The following KCNQ1OT1 variants were observed in gnomAD, a reference collection of about 807,000 sequenced individuals.
The protein encoded by KCNQ1OT1 is KCNQ1 opposite strand/antisense transcript 1, also known as KCNQ1 antisense RNA 2 (non-protein coding).
exon 1 of KCNQ1OT1, chr11:2,643,417 T>C (rs1849610039): frequency 2.5e-6 from 1 of 398,440 alleles, no homozygotes; most frequent in Non-Finnish European, 4.4e-6. Context: ...AATGACTTCG[T>C]CTCTTTTTAG....
rs953013635 is a variant in KCNQ1OT1, at chr11:2,681,339, T to C, written n.18656A>G. 29 of 398,400 alleles carry C rather than the reference T, an allele frequency of 7.3e-5. No individual in the cohort carries two copies. In the Admixed American group the frequency reaches 1.1e-3, roughly 15 times the overall value. The allele number at this position is 398,400 out of a possible 1,614,324, so 24.7% of individuals were successfully genotyped here. ...TGTCTCTCTCCAACTGTGACCGTCT[T>C]TTCCTTGTAGCTCCCTGCTCACTCC... is the stretch of plus-strand genomic sequence containing the variant. On this transcript the variant is annotated non_coding_transcript_exon_variant, in exon 1 of 1. Transcript: ENST00000597346.
chr11:2,665,100 T>C (rs953902147), exon 1 of KCNQ1OT1: 1 of 397,698 alleles, frequency 2.5e-6, no homozygotes, highest in African/African-American at 2.1e-5. Context: ...AGATAAAGAG[T>C]GGCGTCGCTG....
chr11:2,666,276 G>A (rs1850065446), exon 1 of KCNQ1OT1: 1 of 398,624 alleles, frequency 2.5e-6, no homozygotes, highest in African/African-American at 2.1e-5. Context: ...AGGCTGGGCA[G>A]AGGGGGTGGA....
chr11:2,657,791 C>CAGTCAGGTG lies in KCNQ1OT1; in HGVS notation n.42195_42203dup, dbSNP rs1213568178. 5.0e-6 allele frequency: 2 copies of CAGTCAGGTG among 398,408 alleles called. No individual in the cohort carries two copies. Among genetic ancestry groups the CAGTCAGGTG allele is most frequent in the African/African-American group, 4.1e-5 (2 of 48,586 alleles). The allele number at this position is 398,408 out of a possible 1,614,324, so 24.7% of individuals were successfully genotyped here. ...TTAACTTGACACTTTTGAAGAATAC[C>CAGTCAGGTG]AGTCAGGTGTCATTGTCCCTCAGTT... On this transcript the variant is annotated non_coding_transcript_exon_variant, in exon 1 of 1. Coordinates refer to ENST00000597346, the Ensembl canonical transcript of KCNQ1OT1. The surrounding 1 kb of genome is among the most constrained non-coding windows in gnomAD (Gnocchi z 4.8).
chr11:2,649,978 T>C (rs1849732612), exon 1 of KCNQ1OT1: 1 of 398,494 alleles, frequency 2.5e-6, no homozygotes, highest in African/African-American at 2.1e-5. Context: ...CATTCTTCAT[T>C]CTTTTTTATT....
Position 2,654,965 on chromosome 11 carries a change from T to A in KCNQ1OT1, n.45030A>T. 1 of 398,566 alleles carries A rather than the reference T, an allele frequency of 2.5e-6. No individual in the cohort carries two copies. The highest frequency in any genetic ancestry group is 4.4e-6 in the Non-Finnish European group (1 of 226,064). The allele number at this position is 398,566 out of a possible 1,614,324, so 24.7% of individuals were successfully genotyped here. On this transcript the variant is annotated non_coding_transcript_exon_variant, in exon 1 of 1. Transcript: ENST00000597346. This position sits in a 1 kb window ranked among gnomAD's most constrained non-coding sequence, Gnocchi z 6.4. ...TTCCACAAATTATTGTTTCTTGACT[T>A]GGAAAAGTATCATGCAAAATAGAAA... is the stretch of plus-strand genomic sequence containing the variant.
At chr11:2,649,841 C>T in exon 1 of KCNQ1OT1, 1 of 398,502 alleles carries the variant, frequency 2.5e-6, no homozygotes. Flanking sequence ...CTTTCTCTCC[C>T]AAACTTTGGC....
exon 1 of KCNQ1OT1, chr11:2,699,622 G>A (rs545518889): frequency 5.6e-6 from 2 of 354,636 alleles, no homozygotes; most frequent in Non-Finnish European, 5.0e-6. Context: ...GGAGAGAACC[G>A]CGCCGAAGAA....
At chr11:2,662,381 C>T in exon 1 of KCNQ1OT1, 1 of 520,798 alleles carries the variant, frequency 1.9e-6, no homozygotes, top group South Asian at 3.3e-5. Context: ...TCCCCCAGCC[C>T]CCTCCCCTGC....
chr11:2,631,234 G>T, exon 1 of KCNQ1OT1: 1 of 398,436 alleles, frequency 2.5e-6, no homozygotes, highest in Non-Finnish European at 4.4e-6. Context: ...TAACTCTCCT[G>T]ATGGTGTCCC....
chr11:2,672,677 G>A, exon 1 of KCNQ1OT1: 1 of 398,754 alleles, frequency 2.5e-6, no homozygotes, highest in Non-Finnish European at 4.4e-6. Flanking sequence ...CTTGCCCAGT[G>A]GACACAGCCA....
exon 1 of KCNQ1OT1, chr11:2,692,676 G>A (rs1338012539): frequency 5.0e-6 from 2 of 398,552 alleles, no homozygotes; most frequent in African/African-American, 4.1e-5. Context: ...TTCAACATTA[G>A]TTAGTCTTTC....
In KCNQ1OT1 at chr11:2,698,694, C is replaced by G. The variant is rs1291337200; in HGVS notation, n.1301G>C. ...CCCATTCAGAACCTCTACCCAAAGACAGACTCCAGACCCTGACTCCAGTCG... is the reference window on the plus strand; with the variant it reads ...CCCATTCAGAACCTCTACCCAAAGAGAGACTCCAGACCCTGACTCCAGTCG... On this transcript the variant is annotated non_coding_transcript_exon_variant, in exon 1 of 1. Transcript: ENST00000597346. This position sits in a 1 kb window ranked among gnomAD's most constrained non-coding sequence, Gnocchi z 5.1. 4 of 398,848 alleles carry G rather than the reference C, an allele frequency of 1.0e-5. No homozygotes were observed. The highest frequency in any genetic ancestry group is 1.8e-5 in the Non-Finnish European group (4 of 226,210). 24.7% of individuals were successfully genotyped at this position (398,848 alleles called of 1,614,324 possible).
At position 2,620,211 on chromosome 11, in the gene KCNQ1OT1, A is replaced by ATATATATATATATTT. The variant is rs1383035176; in HGVS notation, n.79783_79784insAAATATATATATATA. 4.0e-6 allele frequency: 1 copy of ATATATATATATATTT among 252,756 alleles called. No homozygotes were observed. The highest frequency in any genetic ancestry group is 2.6e-5 in the African/African-American group (1 of 37,828). The allele number at this position is 252,756 out of a possible 1,614,324, so 15.7% of individuals were successfully genotyped here. A position where few individuals can be genotyped will look rare whatever the true frequency, so the allele number is the denominator to read the frequency against. ...TAAGTTCATTCATGTATATATATAT[A>ATATATATATATATTT]TTTTTTTTTTTTATTTTTTTTTTAG... is the stretch of plus-strand genomic sequence containing the variant. On this transcript the variant is annotated non_coding_transcript_exon_variant, in exon 1 of 1. Transcript: ENST00000597346. The surrounding 1 kb of genome is among the most constrained non-coding windows in gnomAD (Gnocchi z 4.5).
exon 1 of KCNQ1OT1, chr11:2,649,651 G>A (rs1849727694): frequency 2.5e-6 from 1 of 398,432 alleles, no homozygotes; most frequent in African/African-American, 2.1e-5. Flanking sequence ...GGCCTAGAAG[G>A]TTTCTGCTGA....
chr11:2,680,016 C>T, exon 1 of KCNQ1OT1: 1 of 396,838 alleles, frequency 2.5e-6, no homozygotes, highest in Non-Finnish European at 4.4e-6. Flanking sequence ...GCCTTAGCCT[C>T]CCTAGTAGCT....
At position 2,688,300 on chromosome 11, in the gene KCNQ1OT1, T is replaced by C. The variant is rs1223237771; in HGVS notation, n.11695A>G. 7.5e-6 allele frequency: 3 copies of C among 398,624 alleles called. No individual in the cohort carries two copies. In the Admixed American group the frequency reaches 1.3e-4, roughly 18 times the overall value. 24.7% of individuals were successfully genotyped at this position (398,624 alleles called of 1,614,324 possible). On this transcript the variant is annotated non_coding_transcript_exon_variant, in exon 1 of 1. Coordinates refer to ENST00000597346, the Ensembl canonical transcript of KCNQ1OT1. The stretch of plus-strand genomic sequence containing the variant: ...GTTTAGACAAGGAAAATGAAGACTC[T>C]GGAAAATCTAAGCACGTCACACACA...
rs193066736 is a variant in KCNQ1OT1, at chr11:2,679,957, A to C, written n.20038T>G. On this transcript the variant is annotated non_coding_transcript_exon_variant, in exon 1 of 1. Transcript: ENST00000597346. This position sits in a 1 kb window ranked among gnomAD's most constrained non-coding sequence, Gnocchi z 4.8. ...CACCTAGGCGGGAATGCAGTGGCAC[A>C]GTCTCGGCTTACTGCAACCTCTACC... 1.1e-3 allele frequency: 426 copies of C among 397,286 alleles called. 1 individual carries two copies. The highest frequency in any genetic ancestry group is 7.0e-3 in the African/African-American group (339 of 48,626). The allele number at this position is 397,286 out of a possible 1,614,324, so 24.6% of individuals were successfully genotyped here.
chr11:2,647,631 G>A lies in KCNQ1OT1; in HGVS notation n.52364C>T, dbSNP rs1289017166. On this transcript the variant is annotated non_coding_transcript_exon_variant, in exon 1 of 1. Coordinates refer to ENST00000597346, the Ensembl canonical transcript of KCNQ1OT1. The surrounding 1 kb of genome is among the most constrained non-coding windows in gnomAD (Gnocchi z 4.0). ...AGTAGAAAACCCGTGCAATCCTGAG[G>A]TTTTCTTTACTGGGAGACTTTATTA... The A allele has an allele frequency of 2.5e-6, 1 of 398,338 alleles. No homozygotes were observed. Among genetic ancestry groups the A allele is most frequent in the Non-Finnish European group, 4.4e-6 (1 of 226,040 alleles). 24.7% of individuals were successfully genotyped at this position (398,338 alleles called of 1,614,324 possible).
Sources: allele counts gnomAD v4.1 joint callset, GRCh38; gene constraint gnomAD v4.1.1; non-coding constraint Gnocchi (gnomAD v3.1); transcripts MANE v1.5; gene names NCBI Gene and HGNC (gene_info 2026-07-23, HGNC 2026-07-21).